Variants in PRKG1 observed in about 807,000 individuals in gnomAD.
PRKG1 encodes protein kinase cGMP-dependent 1, also known as cGMP-dependent protein kinase 1.
A neutral mutation model predicts 88.1 loss-of-function variants in PRKG1; 35 were observed. The ratio of observed to expected loss-of-function variants is 0.40; its 90% CI spans 0.30 to 0.53. The LOEUF (loss-of-function observed/expected upper bound fraction) is 0.53. PRKG1 is among the 20% of genes least tolerant of loss of function. The probability of loss-of-function intolerance (pLI) is 0.59; values close to 1 mark genes in which losing one functional copy is unlikely to be tolerated. For synonymous variants in PRKG1, 303 were observed against 292.5 expected, an observed-to-expected ratio of 1.04 and a Z score of -0.37; for missense variants, 540 against 839.8, an observed-to-expected ratio of 0.64 and a Z score of 4.41.
At chr10:52,155,104 T>A (rs1564493055) in intron 8 of PRKG1, among the ~76,000 whole-genome samples, 2 of 152,192 alleles carry the variant, frequency 1.3e-5, no homozygotes, top group African/African-American at 4.8e-5. Flanking sequence ...CAAACATGCA[T>A]GTGCAAGTGT....
At chr10:51,728,910 T>A (rs1054661363) in intron 3 of PRKG1, among the ~76,000 whole-genome samples, 4 of 152,240 alleles carry the variant, frequency 2.6e-5, no homozygotes, top group Non-Finnish European at 5.9e-5. Flanking sequence ...TGGAATCGTA[T>A]ATGAACTTTA....
chr10:52,075,113 A>G (rs1846596817), intron 7 of PRKG1, among the ~76,000 whole-genome samples: 1 of 152,232 alleles, frequency 6.6e-6, no homozygotes, highest in Non-Finnish European at 1.5e-5. Flanking sequence ...AAATAATCGT[A>G]TAGGTACTTA....
At chr10:51,616,387 G>A (rs1028009698) in intron 3 of PRKG1, among the ~76,000 whole-genome samples, 3 of 152,208 alleles carry the variant, frequency 2.0e-5, no homozygotes, top group Admixed American at 6.5e-5. Flanking sequence ...GGTGATGGCA[G>A]TGTCAGGGGC....
chr10:51,222,499 C>A (rs902686413), intron 2 of PRKG1, among the ~76,000 whole-genome samples: 2 of 152,130 alleles, frequency 1.3e-5, no homozygotes, highest in African/African-American at 4.8e-5. Flanking sequence ...CTGATCTTTT[C>A]ATAGAAGTTC....
intron 9 of PRKG1, among the ~76,000 whole-genome samples, chr10:52,171,139 T>G (rs201782472): frequency 1.1e-4 from 5 of 43,678 alleles, no homozygotes; most frequent in East Asian, 4.1e-4. Flanking sequence ...TTTTTTTTTT[T>G]GGTTTTGTTT....
intron 2 of PRKG1, among the ~76,000 whole-genome samples, chr10:51,267,522 A>G (rs1839867245): frequency 6.6e-6 from 1 of 152,166 alleles, no homozygotes; most frequent in Non-Finnish European, 1.5e-5. Context: ...AGATAATTTC[A>G]TATACTAAGC....
intron 4 of PRKG1, among the ~76,000 whole-genome samples, chr10:51,857,620 C>T (rs1840716027): frequency 6.6e-6 from 1 of 152,086 alleles, no homozygotes; most frequent in South Asian, 2.1e-4. Context: ...TCAATCCTGG[C>T]TTTGTTTGCG....
At chr10:51,721,652 T>G (rs10762334) in intron 3 of PRKG1, among the ~76,000 whole-genome samples, 67,275 of 152,068 alleles carry the variant, frequency 0.44, 15,494 homozygotes, top group Middle Eastern at 0.57. Flanking sequence ...GCTGCTAATA[T>G]AATTAATAAG....
intron 2 of PRKG1, among the ~76,000 whole-genome samples, chr10:51,467,270 G>A (rs747957454): frequency 6.6e-6 from 1 of 151,936 alleles, no homozygotes; most frequent in Admixed American, 6.6e-5. Flanking sequence ...AAGATACCAT[G>A]AGCAGAATTA....
At position 51,908,725 on chromosome 10, in the gene PRKG1, C is replaced by CTATCTATCTATATATATATA. The variant is rs1299574623; in HGVS notation, c.762+1158_762+1159insCTATCTATATATATATATAT. 2.3e-4 allele frequency: 14 copies of CTATCTATCTATATATATATA among 60,566 alleles called. 1 individual carries two copies. The highest frequency in any genetic ancestry group is 5.0e-4 in the East Asian group (1 of 2,018). The allele number at this position is 60,566 out of a possible 1,614,324, so 3.8% of individuals were successfully genotyped here. Reference sequence around the variant, plus strand: ...TCTCTCTCTCTCTCTGTCTATCTATCTATATGTAATTTTTTTTTTTTTGAG... The same window carrying CTATCTATCTATATATATATA: ...TCTCTCTCTCTCTCTGTCTATCTATCTATCTATCTATATATATATATATATGTAATTTTTTTTTTTTTGAG... On this transcript the variant is annotated intron_variant, in intron 5 of 17. Transcript: ENST00000373980.
At chr10:51,250,269 C>G (rs1348669152) in intron 2 of PRKG1, among the ~76,000 whole-genome samples, 1 of 151,810 alleles carries the variant, frequency 6.6e-6, no homozygotes, top group African/African-American at 2.4e-5. Context: ...TTGAGAAATA[C>G]TAGGAAACAT....
chr10:52,163,327 A>C (rs991977771), intron 9 of PRKG1, among the ~76,000 whole-genome samples: 1 of 148,510 alleles, frequency 6.7e-6, no homozygotes, highest in African/African-American at 2.4e-5. Flanking sequence ...GTAATTTTAT[A>C]TGTATTACAA....
At chr10:51,387,827 C>A (rs1837291536) in intron 2 of PRKG1, among the ~76,000 whole-genome samples, 1 of 152,066 alleles carries the variant, frequency 6.6e-6, no homozygotes, top group African/African-American at 2.4e-5. Flanking sequence ...TCTATTTGGA[C>A]TTATCTAAGT....
chr10:51,598,560 C>A (rs1838517159), intron 3 of PRKG1, among the ~76,000 whole-genome samples: 1 of 152,114 alleles, frequency 6.6e-6, no homozygotes, highest in South Asian at 2.1e-4. Flanking sequence ...GCCTAGCCTG[C>A]CCAAGACTTT....
At chr10:51,103,453 C>T (rs550222562) in intron 1 of PRKG1, among the ~76,000 whole-genome samples, 15 of 152,262 alleles carry the variant, frequency 9.9e-5, no homozygotes, top group South Asian at 6.2e-4. Context: ...CCTCAAAATT[C>T]TCAAGAAAAA....
chr10:51,386,681 C>A (rs1837257631), intron 2 of PRKG1, among the ~76,000 whole-genome samples: 1 of 152,084 alleles, frequency 6.6e-6, no homozygotes, highest in Non-Finnish European at 1.5e-5. Flanking sequence ...TAATCTTATC[C>A]AGAAACACCC....
chr10:51,280,146 T>C (rs1302323196), intron 2 of PRKG1, among the ~76,000 whole-genome samples: 1 of 152,186 alleles, frequency 6.6e-6, no homozygotes, highest in Non-Finnish European at 1.5e-5. Context: ...TTAGTTTGGC[T>C]GGATATGAAA....
intron 9 of PRKG1, among the ~76,000 whole-genome samples, chr10:52,198,637 T>C (rs1023469480): frequency 1.3e-5 from 2 of 152,132 alleles, no homozygotes; most frequent in Non-Finnish European, 2.9e-5. Flanking sequence ...AGCCCAGAAT[T>C]CCTACATTCC....
chr10:51,263,363 G>GTTTT (rs944271393), intron 2 of PRKG1, among the ~76,000 whole-genome samples: 24 of 152,058 alleles, frequency 1.6e-4, no homozygotes, highest in African/African-American at 5.8e-4. Context: ...TTGTTTGTTT[G>GTTTT]TTTTTTCTGG....
Sources: allele counts gnomAD v4.1 joint callset (sites outside exome capture counted in the v4.1 genomes callset), GRCh38; gene constraint gnomAD v4.1.1; transcripts MANE v1.5; gene names NCBI Gene and HGNC (gene_info 2026-07-23, HGNC 2026-07-21).